The following TFB2M variants were observed in gnomAD, a reference collection of about 807,000 sequenced individuals.
TFB2M encodes the protein dimethyladenosine transferase 2, mitochondrial.
In TFB2M, 44 loss-of-function variants were observed where a neutral mutation model predicts 41.3. The observed-to-expected ratio is 1.07, with a 90% confidence interval of 0.84 to 1.37. The LOEUF (loss-of-function observed/expected upper bound fraction) is 1.37. Ranked by LOEUF, TFB2M falls within the 40% of genes most tolerant of loss-of-function variation. The probability of loss-of-function intolerance (pLI) is 0.00; values close to 1 mark genes in which losing one functional copy is unlikely to be tolerated. For synonymous variants in TFB2M, 188 were observed against 176.8 expected, an observed-to-expected ratio of 1.06 and a Z score of -0.50; for missense variants, 496 against 490.2, an observed-to-expected ratio of 1.01 and a Z score of -0.11.
intron 1 of TFB2M, among the ~76,000 whole-genome samples, chr1:246,565,515 C>T (rs1425490651): frequency 3.3e-5 from 5 of 152,156 alleles, no homozygotes; most frequent in Non-Finnish European, 5.9e-5. Context: ...AGATCGAGAC[C>T]ATCCTGGCCA....
At chr1:246,564,469 C>G in intron 1 of TFB2M, 35 bp from the exon 2 acceptor site, 1 of 1,581,862 alleles carries the variant, frequency 6.3e-7, no homozygotes, top group South Asian at 1.1e-5. Flanking sequence ...TTTATTTGTA[C>G]AAGAAACATA....
chr1:246,551,928 T>G (rs1471604842), intron 4 of TFB2M, among the ~76,000 whole-genome samples: 10 of 152,228 alleles, frequency 6.6e-5, no homozygotes, highest in Admixed American at 6.5e-4. Context: ...AGGCCCTCGC[T>G]GTCTTTCCAT....
intron 6 of TFB2M, among the ~76,000 whole-genome samples, chr1:246,545,852 C>T (rs1016794476): frequency 2.0e-5 from 3 of 149,504 alleles, no homozygotes; most frequent in African/African-American, 7.4e-5. Flanking sequence ...ATTCCCCCAG[C>T]TCTGTACTTC....
chr1:246,560,113 C>A (rs1197002027), intron 2 of TFB2M, among the ~76,000 whole-genome samples: 1 of 151,196 alleles, frequency 6.6e-6, no homozygotes, highest in African/African-American at 2.4e-5. Context: ...TTTTTAAGCT[C>A]ATCAGCCACT....
chr1:246,551,758 G>A (rs1471071800), intron 4 of TFB2M, among the ~76,000 whole-genome samples: 3 of 152,196 alleles, frequency 2.0e-5, no homozygotes, highest in African/African-American at 7.2e-5. Flanking sequence ...CGAATGGGAA[G>A]GCACTCCGCA....
intron 4 of TFB2M, among the ~76,000 whole-genome samples, 190 bp downstream of exon 4, chr1:246,556,383 G>A (rs1659320893): frequency 6.6e-6 from 1 of 152,154 alleles, no homozygotes; most frequent in African/African-American, 2.4e-5. Context: ...GCTGTACAAT[G>A]GGAATGCAGT....
intron 2 of TFB2M, among the ~76,000 whole-genome samples, chr1:246,558,352 GC>G (rs953467867): frequency 6.6e-6 from 1 of 151,716 alleles, no homozygotes; most frequent in Non-Finnish European, 1.5e-5. Context: ...TTGCCATGTT[GC>G]CCAGGTTGGT....
chr1:246,545,024 C>G (rs531540536), intron 6 of TFB2M, among the ~76,000 whole-genome samples: 2 of 151,298 alleles, frequency 1.3e-5, no homozygotes. Flanking sequence ...CCAGGATGGT[C>G]TCGATCTCCT....
chr1:246,555,039 C>T (rs1374917177), intron 4 of TFB2M, among the ~76,000 whole-genome samples: 1 of 152,128 alleles, frequency 6.6e-6, no homozygotes, highest in Admixed American at 6.6e-5. Flanking sequence ...GGGCAAATGT[C>T]TTGAACAGAC....
At chr1:246,563,221 C>A (rs1659504235) in intron 2 of TFB2M, among the ~76,000 whole-genome samples, 1 of 129,796 alleles carries the variant, frequency 7.7e-6, no homozygotes, top group African/African-American at 3.0e-5. Context: ...TTTTTTTTTA[C>A]TGTACTAATG....
intron 2 of TFB2M, among the ~76,000 whole-genome samples, chr1:246,561,670 T>C (rs1659458619): frequency 1.3e-5 from 2 of 152,196 alleles, no homozygotes; most frequent in African/African-American, 2.4e-5. Context: ...GGTTTCACTA[T>C]GTTGGCCAGG....
At chr1:246,558,198 G>A (rs1027304370) in intron 2 of TFB2M, among the ~76,000 whole-genome samples, 6 of 147,916 alleles carry the variant, frequency 4.1e-5, no homozygotes, top group African/African-American at 1.0e-4. Flanking sequence ...CCAGGCAGGA[G>A]TGCAGTGGCG....
At chr1:246,555,105 A>G (rs894451170) in intron 4 of TFB2M, among the ~76,000 whole-genome samples, 4 of 152,118 alleles carry the variant, frequency 2.6e-5, no homozygotes, top group Non-Finnish European at 5.9e-5. Context: ...AACATGACTA[A>G]TTATTAGGAA....
chr1:246,565,767 G>A (rs185470625), intron 1 of TFB2M, 59 bp downstream of exon 1: 9 of 1,542,986 alleles, frequency 5.8e-6, no homozygotes, highest in Non-Finnish European at 7.1e-6. Flanking sequence ...CCCCGAGGAG[G>A]GTCAATACGT....
chr1:246,541,204 T>C lies in TFB2M; in HGVS notation c.1020-2A>G, dbSNP rs1366354165. On this transcript the variant is annotated splice_acceptor_variant, in intron 7 of 7. Coordinates refer to ENST00000366514, the MANE Select transcript of TFB2M (RefSeq NM_022366.3). LOFTEE classifies it high-confidence loss of function. The stretch of plus-strand genomic sequence containing the variant: ...CTCGCATCAAGTGGAGTCAATGAAC[T>C]GCAAAAGAAATACAAAGTAAATGTA... The C allele has an allele frequency of 6.2e-7, 1 of 1,612,582 alleles. No homozygotes were observed. The highest frequency in any genetic ancestry group is 1.3e-5 in the African/African-American group (1 of 74,986).
intron 5 of TFB2M, among the ~76,000 whole-genome samples, chr1:246,549,356 A>G (rs12408877): frequency 0.27 from 41,360 of 152,052 alleles, 6,317 homozygotes; most frequent in East Asian, 0.66. Flanking sequence ...CTGAGGGAGG[A>G]GGACCGCTTG....
intron 1 of TFB2M, among the ~76,000 whole-genome samples, chr1:246,565,374 A>G (rs1459940346): frequency 6.6e-6 from 1 of 152,250 alleles, no homozygotes; most frequent in Admixed American, 6.5e-5. Flanking sequence ...TACAGACTCT[A>G]CGCTTATGTA....
chr1:246,546,964 T>TACACACACAC (rs1457521313), intron 6 of TFB2M, among the ~76,000 whole-genome samples: 1 of 74,888 alleles, frequency 1.3e-5, no homozygotes, highest in Non-Finnish European at 3.6e-5. Flanking sequence ...TATATGTATA[T>TACACACACAC]ATACACACAC....
chr1:246,549,088 CACTTTGGGAG>C (rs531742976), intron 5 of TFB2M, among the ~76,000 whole-genome samples: 1 of 152,302 alleles, frequency 6.6e-6, no homozygotes, highest in Non-Finnish European at 1.5e-5. Flanking sequence ...ATAATCCCAG[CACTTTGGGAG>C]GCCAAAGTGG....
Sources: allele counts gnomAD v4.1 joint callset (sites outside exome capture counted in the v4.1 genomes callset), GRCh38; gene constraint gnomAD v4.1.1; transcripts MANE v1.5; gene names NCBI Gene and HGNC (gene_info 2026-07-23, HGNC 2026-07-21).